The following NKD1 variants were observed in gnomAD, a reference collection of about 807,000 sequenced individuals.
NKD1 encodes the protein NKD inhibitor of Wnt signaling pathway 1.
In NKD1, 21 loss-of-function variants were observed where a neutral mutation model predicts 56.0. The observed-to-expected ratio is 0.38, with a 90% CI of 0.27 to 0.54. The LOEUF is 0.54. Ranked by LOEUF, NKD1 falls within the 20% of genes least tolerant of loss-of-function variation. The probability of loss-of-function intolerance (pLI) is 0.82; values close to 1 mark genes in which losing one functional copy is unlikely to be tolerated. For missense variants in NKD1, 578 were observed against 642.7 expected, an observed-to-expected ratio of 0.90 and a Z score of 1.09; for synonymous variants, 263 against 265.7, an observed-to-expected ratio of 0.99 and a Z score of 0.10.
chr16:50,561,130 T>G (rs1960622410), intron 3 of NKD1, among the ~76,000 whole-genome samples: 1 of 152,068 alleles, frequency 6.6e-6, no homozygotes, highest in African/African-American at 2.4e-5. Flanking sequence ...TCCCTTTGCT[T>G]AGGGAATGAA....
chr16:50,570,460 GAT>G (rs1358503570), intron 3 of NKD1, among the ~76,000 whole-genome samples: 1 of 152,232 alleles, frequency 6.6e-6, no homozygotes. Flanking sequence ...TGGGAACTGA[GAT>G]ACACTGTACT....
rs1387190497 is a variant in NKD1, at chr16:50,633,534, CCCT to C, written c.1172_1174del (p.Leu391del). The C allele has an allele frequency of 6.2e-7, 1 of 1,610,612 alleles. No individual in the cohort carries two copies. The highest frequency in any genetic ancestry group is 8.5e-7 in the Non-Finnish European group (1 of 1,178,936). On this transcript the variant is annotated inframe_deletion, in exon 10 of 10. Coordinates refer to ENST00000268459, the MANE Select transcript of NKD1 (RefSeq NM_033119.5). The surrounding 1 kb of genome is among the most constrained non-coding windows in gnomAD (Gnocchi z 4.9). ...TCCGCCCACCTGGCTGCCAGCCCGG[CCCT>C]CCTCCCCTCCCTAGCCCCCCTCGGG...
Position 50,627,836 on chromosome 16 carries a change from C to T in NKD1, c.462+2256C>T, listed in dbSNP as rs557256778. ...ACCCTCGGTCTGCTGGGACCACCCC[C>T]ATCCTGATCACACACCAGGGCTCCA... is the stretch of plus-strand genomic sequence containing the variant. On this transcript the variant is annotated intron_variant, in intron 6 of 9. Coordinates refer to ENST00000268459, the MANE Select transcript of NKD1 (RefSeq NM_033119.5). 6.7e-4 allele frequency among the ~76,000 whole-genome samples: 102 copies of T among 152,326 alleles called. 1 individual carries two copies. The South Asian group carries it at 0.02, about 30-fold the overall frequency.
rs1316669895 is a variant in NKD1 at position 50,640,640 on chromosome 16, C to T, written c.*6859C>T. On this transcript the variant is annotated 3_prime_UTR_variant, in exon 10 of 10. Transcript: ENST00000268459. The stretch of plus-strand genomic sequence containing the variant: ...AGGAGGGAGTGGAGTGGAGATTTCT[C>T]ATCCTTTCCTGTTAATTTATGACAT... 6.6e-6 allele frequency: 1 copy of T among 152,196 alleles called. No homozygotes were observed. Among genetic ancestry groups the T allele is most frequent in the Admixed American group, 6.5e-5 (1 of 15,270 alleles). The allele number at this position is 152,196 out of a possible 1,614,324, so 9.4% of individuals were successfully genotyped here. A position where few individuals can be genotyped will look rare whatever the true frequency, so the allele number is the denominator to read the frequency against.
chr16:50,608,464 G>A (rs772101805), intron 4 of NKD1, 104 bp downstream of exon 4: 8 of 788,690 alleles, frequency 1.0e-5, no homozygotes, highest in Non-Finnish European at 1.8e-5. Context: ...CAGATGGAGG[G>A]CACAACAGGG....
At chr16:50,571,593 G>A in intron 3 of NKD1, 1 of 920,478 alleles carries the variant, frequency 1.1e-6, no homozygotes, top group Non-Finnish European at 1.3e-6. Context: ...GAGGCATCCT[G>A]GGGGGTCATT....
intron 6 of NKD1, among the ~76,000 whole-genome samples, chr16:50,629,014 G>A (rs143372387): frequency 0.022 from 3,328 of 150,958 alleles, 134 homozygotes; most frequent in African/African-American, 0.076. Flanking sequence ...TGCCCAGGCT[G>A]GAGTGCAGTG....
At chr16:50,548,613 C>CCGCCGCCGT in intron 1 of NKD1, 35 bp downstream of exon 1, 1 of 1,447,722 alleles carries the variant, frequency 6.9e-7, no homozygotes, top group Non-Finnish European at 9.0e-7. Context: ...GCCCCGGGCC[C>CCGCCGCCGT]CGCCGCCGTC....
chr16:50,640,379 C>T lies in NKD1; in HGVS notation c.*6598C>T, dbSNP rs1962557359. 1 of 152,234 alleles carries T rather than the reference C, an allele frequency of 6.6e-6. No homozygotes were observed. Among genetic ancestry groups the T allele is most frequent in the South Asian group, 2.1e-4 (1 of 4,838 alleles). 9.4% of individuals were successfully genotyped at this position (152,234 alleles called of 1,614,324 possible). A position where few individuals can be genotyped will look rare whatever the true frequency, so the allele number is the denominator to read the frequency against. ...TTCTGGATGGGTTCATCCAAGCTGA[C>T]CTTTGCTGTTTTTTCCCTTCCCAAC... On this transcript the variant is annotated 3_prime_UTR_variant, in exon 10 of 10. Coordinates refer to ENST00000268459, the MANE Select transcript of NKD1 (RefSeq NM_033119.5).
intron 4 of NKD1, chr16:50,616,042 C>G (rs1049216772): frequency 6.8e-5 from 31 of 455,230 alleles, no homozygotes; most frequent in African/African-American, 6.2e-4. Context: ...TGCATTCCCT[C>G]GAACAGCTGC....
intron 6 of NKD1, among the ~76,000 whole-genome samples, chr16:50,628,069 G>A (rs111758164): frequency 4.5e-4 from 69 of 152,300 alleles, no homozygotes; most frequent in African/African-American, 1.7e-3. Context: ...CCCGAGATGA[G>A]CAAGGCAGCT....
intron 4 of NKD1, among the ~76,000 whole-genome samples, chr16:50,611,508 G>T (rs1961847269): frequency 6.6e-6 from 1 of 152,230 alleles, no homozygotes; most frequent in Non-Finnish European, 1.5e-5. Flanking sequence ...GCGTGCGCAT[G>T]TGGCAGCCCG....
In NKD1 at chr16:50,636,133, A is replaced by C. The variant is rs996822018; in HGVS notation, c.*2352A>C. ...TACCCATAGCTGGACCAATCATGACATCCCAGATGGGGTCACGTGGCCAAC... is the reference window on the plus strand; with the variant it reads ...TACCCATAGCTGGACCAATCATGACCTCCCAGATGGGGTCACGTGGCCAAC... On this transcript the variant is annotated 3_prime_UTR_variant, in exon 10 of 10. Coordinates refer to ENST00000268459, the MANE Select transcript of NKD1 (RefSeq NM_033119.5). 6 of 152,388 alleles carry C rather than the reference A, an allele frequency of 3.9e-5. 1 individual carries two copies. Among genetic ancestry groups the C allele is most frequent in the Admixed American group, 2.0e-4 (3 of 15,312 alleles). The allele number at this position is 152,388 out of a possible 1,614,324, so 9.4% of individuals were successfully genotyped here. A position where few individuals can be genotyped will look rare whatever the true frequency, so the allele number is the denominator to read the frequency against.
rs184590518 is a variant in NKD1, at chr16:50,591,495, G to C, written c.193-16799G>C. On this transcript the variant is annotated intron_variant, in intron 3 of 9. Transcript: ENST00000268459. ...CTGAAGACAGCAGAGGAGGAACGGA[G>C]CCTGGGGCCTGGCTGAATTGGCCCT... is the stretch of plus-strand genomic sequence containing the variant. Among the ~76,000 whole-genome samples the C allele has an allele frequency of 1.3e-4, 20 of 152,356 alleles. No individual in the cohort carries two copies. The East Asian group carries it at 3.9e-3, about 29-fold the overall frequency.
At chr16:50,618,774 G>A (rs967884372) in intron 4 of NKD1, among the ~76,000 whole-genome samples, 11 of 152,186 alleles carry the variant, frequency 7.2e-5, no homozygotes, top group African/African-American at 2.2e-4. Context: ...GTGGATGTCC[G>A]TGTGGCTTTC....
At chr16:50,590,402 G>T (rs1256966707) in intron 3 of NKD1, among the ~76,000 whole-genome samples, 1 of 152,230 alleles carries the variant, frequency 6.6e-6, no homozygotes, top group African/African-American at 2.4e-5. Flanking sequence ...GAATGCTAAA[G>T]ATGTTTAGAA....
rs974624233 is a variant in NKD1 at position 50,608,092 on chromosome 16, T to G, written c.193-202T>G. The G allele has an allele frequency of 6.2e-5, 36 of 578,566 alleles. No individual in the cohort carries two copies. In the Admixed American group the frequency reaches 9.4e-4, roughly 15 times the overall value. The allele number at this position is 578,566 out of a possible 1,614,324, so 35.8% of individuals were successfully genotyped here. A position where few individuals can be genotyped will look rare whatever the true frequency, so the allele number is the denominator to read the frequency against. On this transcript the variant is annotated intron_variant, in intron 3 of 9. Coordinates refer to ENST00000268459, the MANE Select transcript of NKD1 (RefSeq NM_033119.5). Reference sequence around the variant, plus strand: ...CCATAGCCTGTGGTGGCCTGAATGTTGTGCTGATGCGTGTGGGTTTATGTT... The same window carrying G: ...CCATAGCCTGTGGTGGCCTGAATGTGGTGCTGATGCGTGTGGGTTTATGTT...
At chr16:50,621,469 G>A in intron 4 of NKD1, 133 bp from the exon 5 acceptor site, 1 of 602,172 alleles carries the variant, frequency 1.7e-6, no homozygotes, top group Non-Finnish European at 2.9e-6. Flanking sequence ...CCCAGCAAAT[G>A]GGCAGGGCAG....
rs746146048 is a variant in NKD1 at position 50,548,586 on chromosome 16, C to T, written c.25+8C>T. On this transcript the variant is annotated splice_region_variant and intron_variant, in intron 1 of 9. Transcript: ENST00000268459. ...AACTTCACTCCAAGCCGGGTCAGTG[C>T]CCCCGCCCGCGCGCTCGCCCCGGGC... 13 of 1,462,234 alleles carry T rather than the reference C, an allele frequency of 8.9e-6. No homozygotes were observed. The highest frequency in any genetic ancestry group is 6.5e-5 in the South Asian group (5 of 77,136). 90.6% of individuals were successfully genotyped at this position (1,462,234 alleles called of 1,614,324 possible).
Sources: allele counts gnomAD v4.1 joint callset (sites outside exome capture counted in the v4.1 genomes callset), GRCh38; gene constraint gnomAD v4.1.1; non-coding constraint Gnocchi (gnomAD v3.1); transcripts MANE v1.5; gene names NCBI Gene and HGNC (gene_info 2026-07-23, HGNC 2026-07-21).